Variants in SPAG16 observed in about 807,000 individuals in gnomAD.
SPAG16 encodes sperm associated antigen 16, also known as sperm-associated antigen 16 protein.
SPAG16 carries 86 observed loss-of-function variants against 80.4 expected under a neutral mutation model. The ratio of observed to expected loss-of-function variants is 1.07; its 90% CI spans 0.90 to 1.28. The LOEUF is 1.28. Among genes scored for constraint, SPAG16 ranks in the 50% most tolerant of loss-of-function variants. The pLI, the probability that SPAG16 is intolerant of heterozygous loss-of-function variation, is 0.00. For missense variants in SPAG16, 870 were observed against 765.3 expected (o/e 1.14, Z -1.61); for synonymous variants, 294 against 265.9 (o/e 1.11, Z -1.03).
chr2:214,299,389 A>G (rs896883989), intron 15 of SPAG16, among the ~76,000 whole-genome samples: 13 of 151,452 alleles, frequency 8.6e-5, no homozygotes, highest in South Asian at 8.3e-4. Context: ...AGCTGGGACT[A>G]TAGGTGCATG....
At chr2:213,947,003 T>A (rs2079509282) in intron 12 of SPAG16, among the ~76,000 whole-genome samples, 1 of 152,168 alleles carries the variant, frequency 6.6e-6, no homozygotes, top group Non-Finnish European at 1.5e-5. Context: ...CCCTTGAGAT[T>A]TATTCAACTA....
chr2:214,035,266 T>A (rs1277826723), intron 13 of SPAG16, among the ~76,000 whole-genome samples: 1 of 152,082 alleles, frequency 6.6e-6, no homozygotes, highest in African/African-American at 2.4e-5. Flanking sequence ...AAGTTCCCAC[T>A]CGCGTCCATG....
intron 11 of SPAG16, among the ~76,000 whole-genome samples, chr2:213,889,164 TAGAA>T (rs1002708570): frequency 5.9e-5 from 9 of 151,996 alleles, no homozygotes; most frequent in Non-Finnish European, 1.2e-4. Flanking sequence ...TTTAAGAAGA[TAGAA>T]AGCCATCTGC....
At chr2:213,680,346 C>T (rs1417592350) in intron 10 of SPAG16, among the ~76,000 whole-genome samples, 1 of 151,804 alleles carries the variant, frequency 6.6e-6, no homozygotes, top group Non-Finnish European at 1.5e-5. Flanking sequence ...TTATTGGTTT[C>T]ACCAGAGGGC....
intron 10 of SPAG16, among the ~76,000 whole-genome samples, chr2:213,535,777 A>G (rs1457729736): frequency 6.6e-6 from 1 of 152,176 alleles, no homozygotes; most frequent in Non-Finnish European, 1.5e-5. Flanking sequence ...GTGCAGGCTA[A>G]CAAATGACTA....
At chr2:214,298,074 CTA>C (rs34462560) in intron 15 of SPAG16, among the ~76,000 whole-genome samples, 31 of 137,004 alleles carry the variant, frequency 2.3e-4, no homozygotes, top group African/African-American at 6.2e-4. Flanking sequence ...AGATGTATGC[CTA>C]TATATATATA....
chr2:213,854,297 G>C (rs1455578838), intron 10 of SPAG16, among the ~76,000 whole-genome samples: 1 of 152,148 alleles, frequency 6.6e-6, no homozygotes, highest in Non-Finnish European at 1.5e-5. Flanking sequence ...TATATGAAGG[G>C]CCAAATTACA....
At chr2:214,195,622 C>A (rs2057813711) in intron 15 of SPAG16, among the ~76,000 whole-genome samples, 2 of 151,890 alleles carry the variant, frequency 1.3e-5, no homozygotes, top group African/African-American at 4.8e-5. Context: ...AGTGACTTGA[C>A]CCCCTTGGCT....
intron 14 of SPAG16, among the ~76,000 whole-genome samples, chr2:214,113,901 G>A (rs963655900): frequency 2.6e-5 from 4 of 152,158 alleles, no homozygotes; most frequent in African/African-American, 9.7e-5. Context: ...AGGAGAAGAG[G>A]TGCTCTGGTT....
At chr2:214,354,238 C>T (rs1311768409) in intron 15 of SPAG16, among the ~76,000 whole-genome samples, 1 of 152,102 alleles carries the variant, frequency 6.6e-6, no homozygotes, top group Non-Finnish European at 1.5e-5. Flanking sequence ...TTTCCCAGCA[C>T]CATTTATTAA....
chr2:213,935,401 G>C (rs2078946341), intron 12 of SPAG16, among the ~76,000 whole-genome samples: 2 of 152,080 alleles, frequency 1.3e-5, no homozygotes, highest in Admixed American at 1.3e-4. Context: ...TGAAGGAGTA[G>C]TAATGGAAAT....
intron 15 of SPAG16, among the ~76,000 whole-genome samples, chr2:214,277,454 C>T (rs1209729541): frequency 6.6e-6 from 1 of 152,064 alleles, no homozygotes; most frequent in Non-Finnish European, 1.5e-5. Context: ...TGTTAGTGAC[C>T]TACCAATGGG....
At chr2:213,378,488 T>C (rs1162036483) in intron 9 of SPAG16, among the ~76,000 whole-genome samples, 1 of 152,008 alleles carries the variant, frequency 6.6e-6, no homozygotes, top group Non-Finnish European at 1.5e-5. Flanking sequence ...CAAATACTAT[T>C]ACATAAAGTT....
chr2:214,384,992 A>G (rs1308835065), intron 15 of SPAG16, among the ~76,000 whole-genome samples: 1 of 152,222 alleles, frequency 6.6e-6, no homozygotes, highest in Non-Finnish European at 1.5e-5. Context: ...ACCATTGACA[A>G]CCAGAGACAA....
intron 13 of SPAG16, among the ~76,000 whole-genome samples, chr2:214,054,634 A>G (rs1350425057): frequency 1.3e-5 from 2 of 152,280 alleles, no homozygotes; most frequent in East Asian, 1.9e-4. Flanking sequence ...TTTGCTGAAC[A>G]TAGCATGGTT....
intron 10 of SPAG16, among the ~76,000 whole-genome samples, chr2:213,589,804 C>T (rs2124912865): frequency 6.6e-6 from 1 of 152,092 alleles, no homozygotes; most frequent in South Asian, 2.1e-4. Flanking sequence ...CACCTGTAAT[C>T]CCACCTATTC....
At chr2:213,326,954 TAAG>T (rs2063867584) in intron 5 of SPAG16, among the ~76,000 whole-genome samples, 1 of 152,050 alleles carries the variant, frequency 6.6e-6, no homozygotes, top group Non-Finnish European at 1.5e-5. Context: ...TATAGTTCGA[TAAG>T]AATATCTGTA....
At chr2:214,094,606 G>A (rs1247019378) in intron 13 of SPAG16, among the ~76,000 whole-genome samples, 1 of 152,068 alleles carries the variant, frequency 6.6e-6, no homozygotes, top group South Asian at 2.1e-4. Context: ...GAGCAGAACT[G>A]TAGAATCATA....
rs138159479 is a variant in SPAG16, at chr2:214,360,589, T to C, written c.1721-49551T>C. On this transcript the variant is annotated intron_variant, in intron 15 of 15. Transcript: ENST00000331683. ...AAAAGTTTATCACTATGCAGTTATA[T>C]ACTTAATTAGTCCACTAGGGCCAAA... Among the ~76,000 whole-genome samples the C allele has an allele frequency of 5.9e-4, 89 of 152,050 alleles. 1 individual carries two copies. The Middle Eastern group carries it at 0.01, about 17-fold the overall frequency.
Sources: allele counts gnomAD v4.1 joint callset (sites outside exome capture counted in the v4.1 genomes callset), GRCh38; gene constraint gnomAD v4.1.1; transcripts MANE v1.5; gene names NCBI Gene and HGNC (gene_info 2026-07-23, HGNC 2026-07-21).